Variants in MRPS9 observed in about 807,000 individuals in gnomAD.
MRPS9 encodes the protein small ribosomal subunit protein uS9m.
In MRPS9, 45 loss-of-function variants were observed where a neutral mutation model predicts 59.9. The ratio of observed to expected loss-of-function variants is 0.75; its 90% CI spans 0.59 to 0.96. The LOEUF is 0.96. Ranked by LOEUF, MRPS9 falls within the 40% of genes least tolerant of loss-of-function variation. The pLI is 0.00. For synonymous variants in MRPS9, 171 were observed against 166.8 expected, an observed-to-expected ratio of 1.03 and a Z score of -0.19; for missense variants, 473 against 481.1, an observed-to-expected ratio of 0.98 and a Z score of 0.16.
intron 2 of MRPS9, among the ~76,000 whole-genome samples, chr2:105,058,953 C>T (rs1405026228): frequency 1.3e-5 from 2 of 152,112 alleles, no homozygotes; most frequent in Non-Finnish European, 2.9e-5. Context: ...GCTGGGATTA[C>T]AGGCGTGAGC....
intron 5 of MRPS9, among the ~76,000 whole-genome samples, chr2:105,080,857 C>A (rs554464171): frequency 1.3e-5 from 2 of 152,118 alleles, no homozygotes; most frequent in Admixed American, 6.5e-5. Context: ...TATTTGTGCT[C>A]CACAAACCCA....
chr2:105,087,810 TCC>T (rs767964427), intron 5 of MRPS9, among the ~76,000 whole-genome samples: 1,612 of 146,628 alleles, frequency 0.011, 10 homozygotes, highest in Admixed American at 0.018. Flanking sequence ...TTTCCTTCCT[TCC>T]TTCCTTCCTT....
intron 8 of MRPS9, among the ~76,000 whole-genome samples, chr2:105,092,826 G>C (rs951760787): frequency 1.3e-5 from 2 of 151,950 alleles, no homozygotes; most frequent in African/African-American, 2.4e-5. Flanking sequence ...TTATATTGTT[G>C]AATCTTTTAA....
Position 105,054,478 on chromosome 2 carries a change from G to A in MRPS9, c.315+5128G>A, listed in dbSNP as rs957047145. ...GCCCATATGGAAGTGAGTGTTAACC[G>A]TTTTCCTTGACACCAGTGACATAAT... On this transcript the variant is annotated intron_variant, in intron 2 of 10. Transcript: ENST00000258455. Among the ~76,000 whole-genome samples, 17 of 152,312 alleles carry A rather than the reference G, an allele frequency of 1.1e-4. No individual in the cohort carries two copies. The South Asian group carries it at 1.2e-3, about 11-fold the overall frequency.
chr2:105,059,734 A>G (rs1201080548), intron 2 of MRPS9, among the ~76,000 whole-genome samples: 1 of 152,088 alleles, frequency 6.6e-6, no homozygotes, highest in Non-Finnish European at 1.5e-5. Flanking sequence ...CCAAACCACA[A>G]TTTGGATGTG....
At chr2:105,042,984 G>A (rs1445434032) in intron 1 of MRPS9, among the ~76,000 whole-genome samples, 1 of 147,542 alleles carries the variant, frequency 6.8e-6, no homozygotes, top group African/African-American at 2.5e-5. Context: ...GTCATTTAAT[G>A]TAAACCCCAG....
chr2:105,071,615 T>A, intron 4 of MRPS9, 126 bp downstream of exon 4: 1 of 829,876 alleles, frequency 1.2e-6, no homozygotes. Flanking sequence ...GTGAAGTAGG[T>A]CAAAAAATTT....
Position 105,038,191 on chromosome 2 carries a change from C to T in MRPS9, c.99C>T (p.Thr33=), listed in dbSNP as rs1291331269. 1.9e-6 allele frequency: 3 copies of T among 1,613,210 alleles called. No homozygotes were observed. Among genetic ancestry groups the T allele is most frequent in the South Asian group, 2.2e-5 (2 of 90,830 alleles). The stretch of plus-strand genomic sequence containing the variant: ...CCCGGAAGCAAGGCCTCTGGAAAAC[C>T]GCGGCCCCTGAGTTGCAAACAAATG... ...SLARKQGLWK[T]AAPELQTNVR... Residue 33 remains threonine, a synonymous_variant, in exon 1 of 11, where the codon ACC becomes ACT. Transcript: ENST00000258455.
At chr2:105,099,637 T>C (rs1680746999) in intron 10 of MRPS9, 33 bp from the exon 11 acceptor site, 1 of 1,597,186 alleles carries the variant, frequency 6.3e-7, no homozygotes, top group Non-Finnish European at 8.6e-7. Context: ...TGCATATTAA[T>C]GGTTCCTAAA....
At chr2:105,053,270 TGAGGACTTAATTTATATA>T (rs1262506202) in intron 2 of MRPS9, among the ~76,000 whole-genome samples, 1 of 152,214 alleles carries the variant, frequency 6.6e-6, no homozygotes, top group Non-Finnish European at 1.5e-5. Flanking sequence ...ATTATTTTCA[TGAGGACTTAATTTATATA>T]GAGTAGCTAT....
intron 2 of MRPS9, among the ~76,000 whole-genome samples, chr2:105,064,389 C>T (rs1679960581): frequency 6.6e-6 from 1 of 151,882 alleles, no homozygotes; most frequent in African/African-American, 2.4e-5. Context: ...GCAGTGGGTA[C>T]TTCAGGGAGT....
At chr2:105,092,632 A>C in intron 8 of MRPS9, 63 bp downstream of exon 8, 1 of 1,301,118 alleles carries the variant, frequency 7.7e-7, no homozygotes, top group South Asian at 1.8e-5. Flanking sequence ...AATTATTTTT[A>C]TTTGCTATTG....
At chr2:105,060,974 G>C (rs557155612) in intron 2 of MRPS9, among the ~76,000 whole-genome samples, 44 of 151,746 alleles carry the variant, frequency 2.9e-4, no homozygotes, top group African/African-American at 9.7e-4. Flanking sequence ...AGCCGGGCAT[G>C]GTGGTGAGTG....
intron 2 of MRPS9, among the ~76,000 whole-genome samples, chr2:105,050,030 CTTTAG>C (rs1380407651): frequency 2.6e-5 from 4 of 152,114 alleles, no homozygotes; most frequent in East Asian, 3.9e-4. Context: ...ATTTTATGCA[CTTTAG>C]TTTAATTTCA....
At chr2:105,097,817 C>T (rs989841066) in intron 10 of MRPS9, among the ~76,000 whole-genome samples, 36 of 152,286 alleles carry the variant, frequency 2.4e-4, no homozygotes, top group African/African-American at 6.7e-4. Context: ...CCTCCTGCCT[C>T]GGCCTCCCAG....
intron 1 of MRPS9, among the ~76,000 whole-genome samples, chr2:105,045,793 T>C (rs772748159): frequency 2.6e-5 from 4 of 152,048 alleles, no homozygotes; most frequent in South Asian, 4.1e-4. Context: ...TATAGATTCC[T>C]GTCTGGAATT....
At chr2:105,044,512 T>A (rs1679560403) in intron 1 of MRPS9, among the ~76,000 whole-genome samples, 1 of 152,238 alleles carries the variant, frequency 6.6e-6, no homozygotes, top group Non-Finnish European at 1.5e-5. Context: ...AAGCAATGTG[T>A]AGAAATGTCT....
intron 1 of MRPS9, among the ~76,000 whole-genome samples, chr2:105,045,166 G>A (rs1455796658): frequency 6.6e-6 from 1 of 152,100 alleles, no homozygotes; most frequent in African/African-American, 2.4e-5. Context: ...AATTGCTGTG[G>A]CTGAAAAAGA....
chr2:105,084,658 G>A (rs1680414406), intron 5 of MRPS9, among the ~76,000 whole-genome samples: 1 of 152,146 alleles, frequency 6.6e-6, no homozygotes, highest in Non-Finnish European at 1.5e-5. Context: ...GAGGTGTCGT[G>A]AAATAACTAC....
Sources: allele counts gnomAD v4.1 joint callset (sites outside exome capture counted in the v4.1 genomes callset), GRCh38; gene constraint gnomAD v4.1.1; transcripts MANE v1.5; gene names NCBI Gene and HGNC (gene_info 2026-07-23, HGNC 2026-07-21).